ADGRL3: variants seen among roughly 807,000 people sequenced by gnomAD.
The protein encoded by ADGRL3 is adhesion G protein-coupled receptor L3.
In ADGRL3, 62 loss-of-function variants were observed where a neutral mutation model predicts 153.5. That is an observed-to-expected ratio of 0.40 (90% CI 0.33 to 0.50). The LOEUF is 0.50. Among genes scored for constraint, ADGRL3 ranks in the 20% least tolerant of loss-of-function variants. The pLI, the probability that ADGRL3 is intolerant of heterozygous loss-of-function variation, is 0.47. For missense variants in ADGRL3, 1,641 were observed against 1,859.4 expected, an observed-to-expected ratio of 0.88 and a Z score of 2.16; for synonymous variants, 710 against 672.5, an observed-to-expected ratio of 1.06 and a Z score of -0.86.
intron 3 of ADGRL3, among the ~76,000 whole-genome samples, chr4:61,501,183 C>T (rs1369684779): frequency 6.6e-6 from 1 of 152,170 alleles, no homozygotes; most frequent in Non-Finnish European, 1.5e-5. Context: ...AATTTACCCA[C>T]TACAAGCCAG....
intron 1 of ADGRL3, among the ~76,000 whole-genome samples, chr4:61,341,034 T>C (rs2095798403): frequency 6.6e-6 from 1 of 151,990 alleles, no homozygotes; most frequent in South Asian, 2.1e-4. Flanking sequence ...ATTGTGATAG[T>C]CTAATTTATA....
chr4:61,289,229 G>C (rs978139568), intron 1 of ADGRL3, among the ~76,000 whole-genome samples: 1 of 151,766 alleles, frequency 6.6e-6, no homozygotes, highest in African/African-American at 2.4e-5. Flanking sequence ...GTATTCATGA[G>C]GGCTATATGT....
rs1189094336 is a variant in ADGRL3, at chr4:62,044,487, G to A, written c.3752G>A (p.Arg1251Gln). ...RIRRMWNDTV[R>Q]KQSESSFITG... is the part of the protein sequence containing the mutation. ...CGTAGAATGTGGAATGACACGGTTC[G>A]AAAGCAGTCAGAGTCTTCCTTTATT... Residue 1251 changes from arginine to glutamine, a missense_variant, in exon 25 of 27, where the codon CGA becomes CAA. Around this residue, in one of 5 missense-constraint regions of ADGRL3, gnomAD observed 517 missense variants for 555.0 expected, o/e 0.93. Transcript: ENST00000683033. 3.8e-6 allele frequency: 6 copies of A among 1,597,776 alleles called. No individual in the cohort carries two copies. The African/African-American group carries it at 4.0e-5, about 11-fold the overall frequency.
In ADGRL3 at chr4:61,579,375, T is replaced by C. The variant is rs146651143; in HGVS notation, c.260-7852T>C. ...TTTGGATTTTTTGACATTTAGAAGATTGGGAAAATTGTGATATGTGAAATT... is the reference window on the plus strand; with the variant it reads ...TTTGGATTTTTTGACATTTAGAAGACTGGGAAAATTGTGATATGTGAAATT... On this transcript the variant is annotated intron_variant, in intron 4 of 26. Transcript: ENST00000683033. Among the ~76,000 whole-genome samples, 329 of 152,204 alleles carry C rather than the reference T, an allele frequency of 2.2e-3. 1 individual carries two copies. Among genetic ancestry groups the C allele is most frequent in the Middle Eastern group, 6.8e-3 (2 of 294 alleles).
At chr4:61,878,164 C>T (rs910362493) in intron 9 of ADGRL3, among the ~76,000 whole-genome samples, 2 of 152,126 alleles carry the variant, frequency 1.3e-5, no homozygotes, top group African/African-American at 4.8e-5. Context: ...AATCTATGTC[C>T]TAATCTCCCC....
intron 1 of ADGRL3, among the ~76,000 whole-genome samples, chr4:61,228,376 G>T (rs374750248): frequency 3.4e-4 from 51 of 152,238 alleles, no homozygotes; most frequent in African/African-American, 1.1e-3. Context: ...GATCTCAGTA[G>T]CATGATACAT....
chr4:61,914,925 T>C (rs2098738280), intron 13 of ADGRL3, among the ~76,000 whole-genome samples: 1 of 152,114 alleles, frequency 6.6e-6, no homozygotes, highest in Admixed American at 6.6e-5. Flanking sequence ...TCAATTCTTA[T>C]TACTTTAATC....
intron 2 of ADGRL3, among the ~76,000 whole-genome samples, chr4:61,482,048 G>A (rs890669686): frequency 6.6e-6 from 1 of 152,084 alleles, no homozygotes. Context: ...TAATTTGGAG[G>A]TTATCGGTCA....
At chr4:61,689,777 A>G (rs1580294591) in intron 6 of ADGRL3, among the ~76,000 whole-genome samples, 1 of 152,186 alleles carries the variant, frequency 6.6e-6, no homozygotes, top group Non-Finnish European at 1.5e-5. Context: ...AATATGATCT[A>G]TAATAAGGCA....
intron 3 of ADGRL3, among the ~76,000 whole-genome samples, chr4:61,504,547 A>C (rs2098414641): frequency 6.6e-6 from 1 of 152,090 alleles, no homozygotes; most frequent in Non-Finnish European, 1.5e-5. Flanking sequence ...ATATACAATA[A>C]ATTATTGTTG....
chr4:61,683,855 C>A (rs866878633), intron 6 of ADGRL3, among the ~76,000 whole-genome samples: 1 of 152,114 alleles, frequency 6.6e-6, no homozygotes, highest in African/African-American at 2.4e-5. Context: ...GTCTCGAACT[C>A]CTAGGCTCTA....
intron 8 of ADGRL3, among the ~76,000 whole-genome samples, chr4:61,811,962 A>T (rs894706593): frequency 6.6e-6 from 1 of 152,156 alleles, no homozygotes; most frequent in African/African-American, 2.4e-5. Flanking sequence ...AGTAAATGAT[A>T]TATTTGTATT....
chr4:61,724,196 CAA>C (rs2096287051), intron 6 of ADGRL3, among the ~76,000 whole-genome samples: 3 of 152,122 alleles, frequency 2.0e-5, no homozygotes, highest in Admixed American at 2.0e-4. Context: ...ATCATTGTAA[CAA>C]GGGTACGTCA....
chr4:61,210,638 T>C, intron 1 of ADGRL3, among the ~76,000 whole-genome samples: 1 of 152,200 alleles, frequency 6.6e-6, no homozygotes, highest in East Asian at 1.9e-4. Context: ...TTGTATGAGA[T>C]TTTATTTCTG....
chr4:61,361,939 G>T (rs1454140287), intron 1 of ADGRL3, among the ~76,000 whole-genome samples: 1 of 149,512 alleles, frequency 6.7e-6, no homozygotes, highest in African/African-American at 2.5e-5. Context: ...TAGTATAACA[G>T]TTCTCTGAGG....
chr4:61,558,493 T>A (rs2148929667), intron 4 of ADGRL3, among the ~76,000 whole-genome samples: 1 of 152,002 alleles, frequency 6.6e-6, no homozygotes, highest in South Asian at 2.1e-4. Context: ...ATAAAATAGA[T>A]CTCTTTCTCT....
chr4:61,440,738 T>G (rs1369995099), intron 2 of ADGRL3, among the ~76,000 whole-genome samples: 1 of 152,196 alleles, frequency 6.6e-6, no homozygotes, highest in Admixed American at 6.5e-5. Context: ...ATGAATTGTA[T>G]TGTACTATCT....
intron 8 of ADGRL3, among the ~76,000 whole-genome samples, chr4:61,757,705 G>C (rs1164388822): frequency 1.3e-5 from 2 of 151,990 alleles, no homozygotes; most frequent in African/African-American, 4.8e-5. Flanking sequence ...TCTTTTAATT[G>C]TGATGTTAGG....
At chr4:61,401,748 G>A (rs567087651) in intron 2 of ADGRL3, among the ~76,000 whole-genome samples, 17 of 151,978 alleles carry the variant, frequency 1.1e-4, no homozygotes, top group Non-Finnish European at 2.2e-4. Flanking sequence ...TCCCAATGTG[G>A]TTCAAAAACC....
Sources: allele counts gnomAD v4.1 joint callset (sites outside exome capture counted in the v4.1 genomes callset), GRCh38; gene constraint gnomAD v4.1.1; regional missense constraint gnomAD v4.1.1; transcripts MANE v1.5; gene names NCBI Gene and HGNC (gene_info 2026-07-23, HGNC 2026-07-21).